ST6GALNAC3: variants seen among roughly 807,000 people sequenced by gnomAD.
ST6GALNAC3 encodes the protein alpha-N-acetylgalactosaminide alpha-2,6-sialyltransferase 3.
A neutral mutation model predicts 32.7 loss-of-function variants in ST6GALNAC3; 25 were observed. The observed-to-expected ratio is 0.76, with a 90% confidence interval of 0.56 to 1.07. The LOEUF is 1.07. ST6GALNAC3 is among the 50% of genes least tolerant of loss of function. The pLI is 0.00. For synonymous variants in ST6GALNAC3, 129 were observed against 133.1 expected (o/e 0.97, Z 0.21); for missense variants, 355 against 382.4 (o/e 0.93, Z 0.60).
At chr1:76,286,420 C>G (rs1227332551) in intron 1 of ST6GALNAC3, among the ~76,000 whole-genome samples, 3 of 152,224 alleles carry the variant, frequency 2.0e-5, no homozygotes, top group South Asian at 2.1e-4. Context: ...GTGGCTCCCC[C>G]ACTACCTCCA....
At chr1:76,613,885 G>A (rs1557627094) in intron 3 of ST6GALNAC3, among the ~76,000 whole-genome samples, 2 of 152,202 alleles carry the variant, frequency 1.3e-5, no homozygotes, top group East Asian at 3.9e-4. Context: ...TTGTAGCAAT[G>A]TGAGAATGGA....
chr1:76,136,601 G>A lies in ST6GALNAC3; in HGVS notation c.18+61717G>A, dbSNP rs570652939. On this transcript the variant is annotated intron_variant, in intron 1 of 4. Transcript: ENST00000328299. ...TGCATAAAATATTCCTTTTAGATGA[G>A]CAAAGCCAAGAAGATACCTAGTAAT... Among the ~76,000 whole-genome samples the A allele has an allele frequency of 7.2e-5, 11 of 152,156 alleles. No individual in the cohort carries two copies. In the South Asian group the frequency reaches 2.1e-3, roughly 29 times the overall value.
At chr1:76,478,352 G>A in intron 3 of ST6GALNAC3, among the ~76,000 whole-genome samples, 1 of 152,160 alleles carries the variant, frequency 6.6e-6, no homozygotes, top group East Asian at 1.9e-4. Flanking sequence ...CTGTATGGTG[G>A]ACTACCTGTC....
chr1:76,336,813 C>A lies in ST6GALNAC3; in HGVS notation c.213+22814C>A, dbSNP rs532494672. Among the ~76,000 whole-genome samples the A allele has an allele frequency of 3.3e-5, 5 of 152,294 alleles. No individual in the cohort carries two copies. In the East Asian group the frequency reaches 9.7e-4, roughly 29 times the overall value. On this transcript the variant is annotated intron_variant, in intron 2 of 4. Transcript: ENST00000328299. The stretch of plus-strand genomic sequence containing the variant: ...ACATGGCCAAGGGCAAAGGGCAAGG[C>A]ATTGTGAGAGTCTGTTCGGGAATCA...
intron 3 of ST6GALNAC3, among the ~76,000 whole-genome samples, chr1:76,478,403 C>CTCCTGGTT (rs1285833815): frequency 1.3e-5 from 2 of 152,116 alleles, no homozygotes; most frequent in African/African-American, 2.4e-5. Flanking sequence ...TCTGGAGTTC[C>CTCCTGGTT]TCCTGGTTTG....
At chr1:76,477,247 A>G (rs1347892202) in intron 3 of ST6GALNAC3, among the ~76,000 whole-genome samples, 1 of 151,692 alleles carries the variant, frequency 6.6e-6, no homozygotes, top group Non-Finnish European at 1.5e-5. Flanking sequence ...TTTGGTGAAT[A>G]CCATATTATG....
chr1:76,151,845 A>G (rs954844986), intron 1 of ST6GALNAC3, among the ~76,000 whole-genome samples: 3 of 152,172 alleles, frequency 2.0e-5, no homozygotes, highest in African/African-American at 4.8e-5. Flanking sequence ...GAGTCTAGAC[A>G]TTGTCTCTAC....
At chr1:76,188,948 T>C (rs1251837253) in intron 1 of ST6GALNAC3, among the ~76,000 whole-genome samples, 1 of 152,184 alleles carries the variant, frequency 6.6e-6, no homozygotes, top group Non-Finnish European at 1.5e-5. Context: ...GAGTACTTTG[T>C]AATCCTGCTG....
At chr1:76,462,613 G>A (rs2101600668) in intron 3 of ST6GALNAC3, among the ~76,000 whole-genome samples, 2 of 152,182 alleles carry the variant, frequency 1.3e-5, no homozygotes, top group Middle Eastern at 6.8e-3. Context: ...GTTTCAGATG[G>A]ATAGATAAAT....
intron 1 of ST6GALNAC3, among the ~76,000 whole-genome samples, chr1:76,286,998 A>G (rs928509223): frequency 6.6e-6 from 1 of 152,242 alleles, no homozygotes; most frequent in Non-Finnish European, 1.5e-5. Flanking sequence ...ATGTTCTTCA[A>G]TCTTCTCTGA....
intron 3 of ST6GALNAC3, among the ~76,000 whole-genome samples, chr1:76,427,030 A>G (rs1030711611): frequency 2.0e-5 from 3 of 152,072 alleles, no homozygotes; most frequent in Non-Finnish European, 4.4e-5. Context: ...ATAAATGATT[A>G]CTGTTTGGCT....
At position 76,162,387 on chromosome 1, in the gene ST6GALNAC3, G is replaced by A. The variant is rs113173269; in HGVS notation, c.18+87503G>A. On this transcript the variant is annotated intron_variant, in intron 1 of 4. Transcript: ENST00000328299. ...ATTCTATCCCTGCCTTTATGCTTTT[G>A]TTTATGAGCAGAAGGAAAGTATGAC... 1.2e-3 allele frequency among the ~76,000 whole-genome samples: 177 copies of A among 152,314 alleles called. 1 individual carries two copies. The highest frequency in any genetic ancestry group is 4.1e-3 in the African/African-American group (172 of 41,572).
intron 1 of ST6GALNAC3, among the ~76,000 whole-genome samples, chr1:76,258,816 A>G (rs1015936052): frequency 2.6e-5 from 4 of 152,158 alleles, no homozygotes; most frequent in Non-Finnish European, 5.9e-5. Context: ...CTACATACAG[A>G]ATGCATCATG....
chr1:76,481,191 A>G (rs1226180281), intron 3 of ST6GALNAC3, among the ~76,000 whole-genome samples: 1 of 152,184 alleles, frequency 6.6e-6, no homozygotes, highest in Non-Finnish European at 1.5e-5. Flanking sequence ...ATTATTTTAA[A>G]TCCACATTCA....
intron 2 of ST6GALNAC3, among the ~76,000 whole-genome samples, chr1:76,382,913 T>C (rs1351451844): frequency 6.6e-6 from 1 of 152,152 alleles, no homozygotes; most frequent in Non-Finnish European, 1.5e-5. Flanking sequence ...AAAGGCTTCA[T>C]GGACCCTAAG....
chr1:76,619,876 C>A (rs906671125), intron 3 of ST6GALNAC3, among the ~76,000 whole-genome samples: 3 of 152,076 alleles, frequency 2.0e-5, no homozygotes, highest in Admixed American at 6.6e-5. Flanking sequence ...CCCTCCTCTG[C>A]CTAATGTTCC....
chr1:76,627,334 C>T, intron 3 of ST6GALNAC3, 118 bp from the exon 4 acceptor site: 2 of 663,708 alleles, frequency 3.0e-6, no homozygotes, highest in Non-Finnish European at 5.3e-6. Context: ...ACTCTTTTTC[C>T]TGATAACAAG....
In ST6GALNAC3 at chr1:76,412,228, A is replaced by G. The variant is rs780113335; in HGVS notation, c.434A>G (p.Lys145Arg). 3.7e-6 allele frequency: 6 copies of G among 1,613,696 alleles called. No homozygotes were observed. The highest frequency in any genetic ancestry group is 5.1e-6 in the Non-Finnish European group (6 of 1,179,844). Residue 145 changes from lysine (K) to arginine (R), a missense_variant, in exon 3 of 5, where the codon AAG (lysine) becomes AGG (arginine). By Grantham distance (26) the Lys-to-Arg change is conservative. Coordinates refer to ENST00000328299, the MANE Select transcript of ST6GALNAC3 (RefSeq NM_152996.4). ...LLLKNPDYFF[K>R]EANTTIYVIW... ...CTAAAAAACCCTGATTATTTTTTCA[A>G]GGAAGCGAATACTACTATTTATGTT...
At chr1:76,471,401 A>G (rs981544341) in intron 3 of ST6GALNAC3, among the ~76,000 whole-genome samples, 1 of 152,142 alleles carries the variant, frequency 6.6e-6, no homozygotes, top group African/African-American at 2.4e-5. Flanking sequence ...GAGTGCTTAA[A>G]AATATGTTTT....
Sources: allele counts gnomAD v4.1 joint callset (sites outside exome capture counted in the v4.1 genomes callset), GRCh38; gene constraint gnomAD v4.1.1; transcripts MANE v1.5; gene names NCBI Gene and HGNC (gene_info 2026-07-23, HGNC 2026-07-21).